Variants in SEM1 observed in about 807,000 individuals in gnomAD.
The protein encoded by SEM1 is SEM1 26S proteasome subunit.
Under a neutral mutation model 12.7 loss-of-function variants are expected in SEM1, and 3 were observed. The ratio of observed to expected loss-of-function variants is 0.24; its 90% CI spans 0.11 to 0.61. The LOEUF (loss-of-function observed/expected upper bound fraction) is 0.61. SEM1 is among the 20% of genes least tolerant of loss of function. The pLI is 0.88. For synonymous variants in SEM1, 30 were observed against 27.8 expected (o/e 1.08, Z -0.25); for missense variants, 59 against 81.3 (o/e 0.73, Z 1.06).
At chr7:96,527,767 TCA>T (rs1804513809) in intron 2 of SEM1, among the ~76,000 whole-genome samples, 3 of 152,170 alleles carry the variant, frequency 2.0e-5, no homozygotes, top group African/African-American at 7.2e-5. Flanking sequence ...CTGTTAGCTC[TCA>T]GTTATACCCT....
At chr7:96,495,569 G>T (rs1288770453) in intron 1 of SEM1, among the ~76,000 whole-genome samples, 2 of 152,136 alleles carry the variant, frequency 1.3e-5, no homozygotes, top group Non-Finnish European at 2.9e-5. Context: ...GTCAGCACCA[G>T]AGGGCCTTGA....
chr7:96,556,456 G>C (rs1170284312), intron 2 of SEM1, among the ~76,000 whole-genome samples: 1 of 152,084 alleles, frequency 6.6e-6, no homozygotes, highest in African/African-American at 2.4e-5. Context: ...ATGAAGCTTA[G>C]TTTGGCTGGA....
intron 2 of SEM1, among the ~76,000 whole-genome samples, chr7:96,605,952 A>G (rs1349523791): frequency 2.6e-5 from 4 of 152,032 alleles, no homozygotes; most frequent in Non-Finnish European, 1.5e-5. Context: ...TGTACATGCT[A>G]CCCTTCCGCT....
chr7:96,638,366 G>A (rs900831202), intron 2 of SEM1, among the ~76,000 whole-genome samples: 1 of 151,912 alleles, frequency 6.6e-6, no homozygotes, highest in South Asian at 2.1e-4. Flanking sequence ...CTCTATGAAT[G>A]TCTATTTGGG....
At chr7:96,551,040 G>A (rs540791585) in intron 2 of SEM1, among the ~76,000 whole-genome samples, 1 of 152,264 alleles carries the variant, frequency 6.6e-6, no homozygotes, top group African/African-American at 2.4e-5. Context: ...AGATAGACAT[G>A]CAAGAGATTT....
At chr7:96,578,378 C>A (rs1250403738) in intron 2 of SEM1, among the ~76,000 whole-genome samples, 1 of 150,800 alleles carries the variant, frequency 6.6e-6, no homozygotes, top group Non-Finnish European at 1.5e-5. Flanking sequence ...AAAACAAAAA[C>A]ACTAGGTAAC....
At chr7:96,585,298 G>T (rs1303113998) in intron 2 of SEM1, among the ~76,000 whole-genome samples, 1 of 152,202 alleles carries the variant, frequency 6.6e-6, no homozygotes, top group African/African-American at 2.4e-5. Flanking sequence ...AGGGGTCAGG[G>T]ACCCATTGAG....
chr7:96,487,762 A>G (rs1244668274), intron 1 of SEM1, among the ~76,000 whole-genome samples: 2 of 150,280 alleles, frequency 1.3e-5, no homozygotes, highest in Non-Finnish European at 2.9e-5. Flanking sequence ...CTCAATCTCC[A>G]GTGTACCAAA....
Position 96,584,196 on chromosome 7 carries a change from G to A in SEM1, c.171-77498C>T, listed in dbSNP as rs1311013128. On this transcript the variant is annotated intron_variant and NMD_transcript_variant, in intron 2 of 3. Coordinates refer to the SEM1 transcript ENST00000466986. ...AAAATCTGTCAGCATTTGCTTGTCTGTAAAGTATTTTATTTCTCCTTCATT... is the reference window on the plus strand; with the variant it reads ...AAAATCTGTCAGCATTTGCTTGTCTATAAAGTATTTTATTTCTCCTTCATT... Among the ~76,000 whole-genome samples the A allele has an allele frequency of 8.5e-5, 13 of 152,206 alleles. No homozygotes were observed. The East Asian group carries it at 1.9e-3, about 23-fold the overall frequency.
intron 2 of SEM1, among the ~76,000 whole-genome samples, chr7:96,548,034 G>T (rs914802943): frequency 1.3e-5 from 2 of 152,110 alleles, no homozygotes; most frequent in African/African-American, 4.8e-5. Flanking sequence ...GGATTGTTGT[G>T]TTTGGTTCAC....
chr7:96,555,331 G>A (rs1237424683), intron 2 of SEM1, among the ~76,000 whole-genome samples: 1 of 151,634 alleles, frequency 6.6e-6, no homozygotes, highest in African/African-American at 2.4e-5. Flanking sequence ...GGCATTTAGT[G>A]CTGTAAATTT....
intron 2 of SEM1, among the ~76,000 whole-genome samples, chr7:96,582,550 C>G (rs1806449474): frequency 6.6e-6 from 1 of 150,844 alleles, no homozygotes; most frequent in Admixed American, 6.8e-5. Context: ...AGGAATGGTA[C>G]CAGTTCCTCC....
intron 2 of SEM1, among the ~76,000 whole-genome samples, chr7:96,656,738 G>A (rs1415404854): frequency 6.6e-6 from 1 of 151,958 alleles, no homozygotes; most frequent in Non-Finnish European, 1.5e-5. Flanking sequence ...CAAAATGTCT[G>A]CAAATGAGAA....
chr7:96,515,402 A>C (rs1804058415), intron 2 of SEM1, among the ~76,000 whole-genome samples: 1 of 152,218 alleles, frequency 6.6e-6, no homozygotes, highest in African/African-American at 2.4e-5. Flanking sequence ...ATGTGGAGAA[A>C]TAGCAACACT....
At chr7:96,514,648 A>G (rs569496520) in intron 2 of SEM1, among the ~76,000 whole-genome samples, 1 of 152,160 alleles carries the variant, frequency 6.6e-6, no homozygotes, top group African/African-American at 2.4e-5. Context: ...TAGAAACATG[A>G]TACCATTTAT....
intron 2 of SEM1, among the ~76,000 whole-genome samples, chr7:96,602,840 C>G (rs1807234233): frequency 6.6e-6 from 1 of 152,154 alleles, no homozygotes; most frequent in Admixed American, 6.5e-5. Context: ...CTCAATCTTG[C>G]TCAGCTTTGA....
chr7:96,706,992 C>T (rs1790487366), intron 1 of SEM1, among the ~76,000 whole-genome samples: 1 of 152,182 alleles, frequency 6.6e-6, no homozygotes. Context: ...TAAATCAGGG[C>T]ATTAATACTT....
At chr7:96,626,703 GT>G (rs1808081011) in intron 2 of SEM1, among the ~76,000 whole-genome samples, 1 of 151,938 alleles carries the variant, frequency 6.6e-6, no homozygotes, top group South Asian at 2.1e-4. Flanking sequence ...TTTGTTGAGG[GT>G]TTTTGCATCA....
intron 2 of SEM1, among the ~76,000 whole-genome samples, chr7:96,661,957 C>T (rs1789015378): frequency 7.1e-6 from 1 of 141,026 alleles, no homozygotes; most frequent in Non-Finnish European, 1.5e-5. Context: ...CATTGCACTC[C>T]AGCCTAGGCA....
Sources: gnomAD v4.1 joint callset for allele counts (sites outside exome capture counted in the v4.1 genomes callset) on GRCh38, gnomAD v4.1.1 for gene constraint, MANE v1.5 for transcripts, NCBI Gene and HGNC (gene_info 2026-07-23, HGNC 2026-07-21) for gene names.